The following PDLIM7 variants were observed in gnomAD, a reference collection of about 807,000 sequenced individuals.
The protein encoded by PDLIM7 is PDZ and LIM domain 7, also known as PDZ and LIM domain protein 7.
In PDLIM7, 37 loss-of-function variants were observed where a neutral mutation model predicts 53.9. The observed-to-expected ratio is 0.69, with a 90% CI of 0.53 to 0.90. The LOEUF (loss-of-function observed/expected upper bound fraction) is 0.90. PDLIM7 is among the 40% of genes least tolerant of loss of function. PDLIM7 has a pLI of 0.00. For synonymous variants in PDLIM7, 300 were observed against 261.3 expected, an observed-to-expected ratio of 1.15 and a Z score of -1.43; for missense variants, 617 against 638.5, an observed-to-expected ratio of 0.97 and a Z score of 0.36.
rs779747082 is a variant in PDLIM7, at chr5:177,492,478, G to A, written c.249-43C>T. 8.7e-6 allele frequency: 14 copies of A among 1,613,572 alleles called. No homozygotes were observed. In the African/African-American group the frequency reaches 1.6e-4, roughly 18 times the overall value. On this transcript the variant is annotated intron_variant, in intron 3 of 12. Coordinates refer to ENST00000355841, the MANE Select transcript of PDLIM7 (RefSeq NM_005451.5). ...CGTGACAGCGGGCCGGGCCCGCAGG[G>A]ATCCCCACTGCCAGCGCGGGCGCAC...
At chr5:177,489,084 G>A (rs1479387780) in intron 9 of PDLIM7, among the ~76,000 whole-genome samples, 3 of 152,226 alleles carry the variant, frequency 2.0e-5, no homozygotes, top group Non-Finnish European at 4.4e-5. Context: ...GGGAGGGGCA[G>A]ACGCGCTGGG....
intron 5 of PDLIM7, chr5:177,491,432 A>G: frequency 6.5e-7 from 1 of 1,548,744 alleles, no homozygotes; most frequent in South Asian, 1.2e-5. Flanking sequence ...TGTGAAGGAA[A>G]TAAGACAGAC....
rs369708491 is a variant in PDLIM7 at position 177,489,569 on chromosome 5, G to T, written c.693C>A (p.Ala231=). 1.9e-6 allele frequency: 3 copies of T among 1,610,408 alleles called. No homozygotes were observed. The highest frequency in any genetic ancestry group is 8.5e-7 in the Non-Finnish European group (1 of 1,179,132). The part of the protein sequence containing the change: ...RPPWAVDPAF[A]ERYAPDKTST... ...TCGTTTTGTCCGGGGCATAGCGCTC[G>T]GCAAACGCAGGGTCCACAGCCCAGG... Residue 231 remains alanine, a synonymous_variant, in exon 9 of 13, where the codon GCC becomes GCA. Coordinates refer to ENST00000355841, the MANE Select transcript of PDLIM7 (RefSeq NM_005451.5).
Position 177,490,680 on chromosome 5 carries a change from G to A in PDLIM7, c.572+190C>T, listed in dbSNP as rs1054549954. 119 of 930,652 alleles carry A rather than the reference G, an allele frequency of 1.3e-4. 1 individual carries two copies. In the Middle Eastern group the frequency reaches 1.9e-3, roughly 15 times the overall value. The allele number at this position is 930,652 out of a possible 1,614,324, so 57.6% of individuals were successfully genotyped here. A position where few individuals can be genotyped will look rare whatever the true frequency, so the allele number is the denominator to read the frequency against. ...GAGGGAGGAGGGAAGGAAGGAGGGA[G>A]GGAAGAAATGAAAGAAGGAAGGAAG... is the stretch of plus-strand genomic sequence containing the variant. On this transcript the variant is annotated intron_variant, in intron 7 of 12. Transcript: ENST00000355841.
In PDLIM7 at chr5:177,484,113, G is replaced by C. The variant is rs1758318410; in HGVS notation, c.1128C>G (p.Asn376Lys). 3.1e-6 allele frequency: 5 copies of C among 1,614,076 alleles called. No individual in the cohort carries two copies. The highest frequency in any genetic ancestry group is 4.2e-6 in the Non-Finnish European group (5 of 1,180,008). The change falls in exon 11 of 13, where the codon AAC becomes AAG. Residue 376 changes from asparagine to lysine, a missense_variant. Asn to Lys is a moderately conservative substitution (Grantham distance 94). Transcript: ENST00000355841. ...TCAACKTPIR[N>K]RAFYMEEGVP... The stretch of plus-strand genomic sequence containing the variant: ...CGCCCTCCTCCATGTAGAAGGCCCT[G>C]TTCCGGATGGGCGTCTTGCAGGCAG...
intron 10 of PDLIM7, among the ~76,000 whole-genome samples, chr5:177,486,859 C>T (rs1222714358): frequency 6.7e-6 from 1 of 149,350 alleles, no homozygotes; most frequent in African/African-American, 2.5e-5. Flanking sequence ...TCTCAATCTC[C>T]TGACCTCGTG....
At chr5:177,484,229 C>T in intron 10 of PDLIM7, 39 bp from the exon 11 acceptor site, 1 of 1,606,920 alleles carries the variant, frequency 6.2e-7, no homozygotes. Flanking sequence ...GCTCAGGCCC[C>T]TCCTGCCCTG....
intron 2 of PDLIM7, 30 bp from the exon 3 acceptor site, chr5:177,492,707 C>T (rs763643819): frequency 1.3e-6 from 2 of 1,589,754 alleles, no homozygotes; most frequent in Middle Eastern, 1.7e-4. Flanking sequence ...GTGACCGAGG[C>T]CCTGGACCCT....
Position 177,491,044 on chromosome 5 carries a change from G to A in PDLIM7, c.501C>T (p.Phe167=), listed in dbSNP as rs753367654. The A allele has an allele frequency of 3.7e-6, 6 of 1,612,514 alleles. No individual in the cohort carries two copies. In the South Asian group the frequency reaches 4.4e-5, roughly 12 times the overall value. The change falls in exon 6 of 13, where the codon TTC becomes TTT. Residue 167 remains phenylalanine (F), a synonymous_variant. Transcript: ENST00000355841. ...PRPGTGQSRS[F]RILAHLTGTE... is the part of the protein sequence containing the mutation. The stretch of plus-strand genomic sequence containing the variant: ...TGCCTGTGAGGTGGGCAAGGATGCG[G>A]AAGGAACGCGACTGGCCTGTCCCCG...
chr5:177,483,902 C>T lies in PDLIM7; in HGVS notation c.1252G>A (p.Gly418Ser). ...DAGDRFLEAL[G>S]FSWHDTCFVC... ...AAGCAGGTGTCATGCCAGCTGAAGC[C>T]CAGGGCCTCCAGGAAGCGGTCCCCA... The change falls in exon 12 of 13, where the codon GGC (glycine) becomes AGC (serine). Residue 418 changes from glycine to serine, a missense_variant. Transcript: ENST00000355841. 1 of 1,613,772 alleles carries T rather than the reference C, an allele frequency of 6.2e-7. No individual in the cohort carries two copies. Among genetic ancestry groups the T allele is most frequent in the Non-Finnish European group, 8.5e-7 (1 of 1,179,972 alleles).
chr5:177,490,152 G>A lies in PDLIM7; in HGVS notation c.573-320C>T, dbSNP rs335463. ...CCAGGTACCCCCTCCCACTGAAAACGAGGACGGCAGGGCCCAAACAGTCCG... is the reference window on the plus strand; with the variant it reads ...CCAGGTACCCCCTCCCACTGAAAACAAGGACGGCAGGGCCCAAACAGTCCG... On this transcript the variant is annotated intron_variant, in intron 7 of 12. Transcript: ENST00000355841. 1,202 of 1,472,514 alleles carry A rather than the reference G, an allele frequency of 8.2e-4. 4 individuals are homozygous for A. In the African/African-American group the frequency reaches 0.015, roughly 18 times the overall value. 91.2% of individuals were successfully genotyped at this position (1,472,514 alleles called of 1,614,324 possible).
intron 3 of PDLIM7, 40 bp downstream of exon 3, chr5:177,492,486 C>T (rs1420627547): frequency 6.2e-7 from 1 of 1,613,652 alleles, no homozygotes; most frequent in East Asian, 2.2e-5. Flanking sequence ...GGGATCCCCA[C>T]TGCCAGCGCG....
intron 12 of PDLIM7, 55 bp from the exon 13 acceptor site, chr5:177,483,785 T>C: frequency 6.3e-7 from 1 of 1,575,272 alleles, no homozygotes; most frequent in Non-Finnish European, 8.7e-7. Flanking sequence ...GAGAGGCCCC[T>C]TCCCAACTTC....
intron 7 of PDLIM7, 92 bp downstream of exon 7, chr5:177,490,778 G>A: frequency 1.5e-6 from 2 of 1,340,220 alleles, no homozygotes; most frequent in Non-Finnish European, 2.1e-6. Flanking sequence ...AGAATTGAGA[G>A]CCCCAGCTGG....
chr5:177,485,131 TA>T (rs1329542434), intron 10 of PDLIM7: 3 of 152,318 alleles, frequency 2.0e-5, no homozygotes, highest in Admixed American at 2.0e-4. Flanking sequence ...GCAACCTACT[TA>T]TTGCGCTTAT....
intron 7 of PDLIM7, chr5:177,490,485 G>A: frequency 6.4e-7 from 1 of 1,550,642 alleles, no homozygotes; most frequent in Non-Finnish European, 8.7e-7. Context: ...CAGCCGGCTG[G>A]AGAGGGCCGG....
At chr5:177,491,394 G>C in intron 5 of PDLIM7, 1 of 1,552,064 alleles carries the variant, frequency 6.4e-7, no homozygotes, top group Non-Finnish European at 8.7e-7. Context: ...GCAGAGGGGG[G>C]CTCACTGACT....
At chr5:177,492,467 G>A (rs571071474) in intron 3 of PDLIM7, 32 bp from the exon 4 acceptor site, 100 of 1,613,500 alleles carry the variant, frequency 6.2e-5, no homozygotes, top group African/African-American at 4.0e-4. Context: ...ACAGCGGGCC[G>A]GGCCCGCAGG....
At chr5:177,496,350 A>G in intron 2 of PDLIM7, 67 bp downstream of exon 2, 2 of 1,229,514 alleles carry the variant, frequency 1.6e-6, no homozygotes, top group Non-Finnish European at 2.2e-6. Context: ...GACTCCCCCC[A>G]TCACCCTCTG....
Sources: allele counts gnomAD v4.1 joint callset (sites outside exome capture counted in the v4.1 genomes callset), GRCh38; gene constraint gnomAD v4.1.1; transcripts MANE v1.5; gene names NCBI Gene and HGNC (gene_info 2026-07-23, HGNC 2026-07-21).